The following STXBP6 variants were observed in gnomAD, a reference collection of about 807,000 sequenced individuals.
STXBP6 encodes the protein syntaxin-binding protein 6.
In STXBP6, 21 loss-of-function variants were observed where a neutral mutation model predicts 26.9. The ratio of observed to expected loss-of-function variants is 0.78; its 90% confidence interval spans 0.55 to 1.12. The LOEUF is 1.12. STXBP6 is among the 50% of genes most tolerant of loss of function. The pLI is 0.00. For missense variants in STXBP6, 232 were observed against 257.9 expected (o/e 0.90, Z 0.69); for synonymous variants, 97 against 92.6 (o/e 1.05, Z -0.27).
chr14:24,974,607 A>G (rs1412096657), intron 2 of STXBP6, 58 bp downstream of exon 2: 2 of 1,453,200 alleles, frequency 1.4e-6, no homozygotes, highest in African/African-American at 1.4e-5. Flanking sequence ...GATACCTCAG[A>G]ATGAACTGTT....
At chr14:24,879,637 T>C (rs993392467) in intron 2 of STXBP6, among the ~76,000 whole-genome samples, 1 of 152,182 alleles carries the variant, frequency 6.6e-6, no homozygotes, top group Non-Finnish European at 1.5e-5. Context: ...TAAGAAGAGA[T>C]GAGGAAAAAA....
intron 2 of STXBP6, among the ~76,000 whole-genome samples, chr14:24,892,917 A>G (rs959398781): frequency 1.3e-5 from 2 of 152,204 alleles, no homozygotes; most frequent in Admixed American, 6.5e-5. Context: ...ACAGCCCTGA[A>G]GAGGGAGCAG....
At chr14:25,027,159 T>C (rs890235143) in intron 1 of STXBP6, among the ~76,000 whole-genome samples, 3 of 152,194 alleles carry the variant, frequency 2.0e-5, no homozygotes, top group Non-Finnish European at 4.4e-5. Context: ...GATACAAGCA[T>C]AGTTTGTTTA....
chr14:24,816,093 A>G (rs148613692), intron 5 of STXBP6: 55 of 152,344 alleles, frequency 3.6e-4, no homozygotes, highest in African/African-American at 1.3e-3. Context: ...AAGGTGTGCC[A>G]AACTCTCCAG....
chr14:24,943,951 G>T (rs1410578864), intron 2 of STXBP6, among the ~76,000 whole-genome samples: 1 of 150,984 alleles, frequency 6.6e-6, no homozygotes, highest in African/African-American at 2.4e-5. Context: ...TTTGTATTAA[G>T]CAACATGATT....
intron 2 of STXBP6, among the ~76,000 whole-genome samples, chr14:24,861,791 G>A (rs962721704): frequency 3.9e-5 from 6 of 152,216 alleles, no homozygotes; most frequent in African/African-American, 1.4e-4. Context: ...TTATAATTTG[G>A]GGACATAGTA....
intron 2 of STXBP6, among the ~76,000 whole-genome samples, chr14:24,910,795 G>A (rs2071543542): frequency 1.3e-5 from 2 of 152,148 alleles, no homozygotes; most frequent in South Asian, 4.1e-4. Context: ...GAATTGCTAT[G>A]GCTGTGAAAA....
chr14:24,875,781 G>A (rs2070119256), intron 2 of STXBP6, among the ~76,000 whole-genome samples: 1 of 152,138 alleles, frequency 6.6e-6, no homozygotes, highest in Non-Finnish European at 1.5e-5. Flanking sequence ...TATTTACTGT[G>A]TGCATACTGA....
intron 1 of STXBP6, among the ~76,000 whole-genome samples, chr14:24,975,882 G>T (rs1272273850): frequency 6.6e-6 from 1 of 152,158 alleles, no homozygotes; most frequent in Admixed American, 6.5e-5. Flanking sequence ...GTCATAAATA[G>T]TCTGTGCCCT....
intron 2 of STXBP6, among the ~76,000 whole-genome samples, chr14:24,885,007 T>C (rs758549820): frequency 2.2e-4 from 33 of 152,318 alleles, no homozygotes; most frequent in Admixed American, 3.9e-4. Flanking sequence ...CGAGACTTCA[T>C]TGCTTCCCCA....
chr14:24,940,795 C>T (rs1375917862), intron 2 of STXBP6, among the ~76,000 whole-genome samples: 3 of 152,166 alleles, frequency 2.0e-5, no homozygotes, highest in African/African-American at 7.2e-5. Flanking sequence ...GCAGGTGGAT[C>T]ACAAGGTCAG....
At position 24,856,066 on chromosome 14, in the gene STXBP6, A is replaced by C. The variant is rs2069321904; in HGVS notation, c.321T>G (p.Ala107=). ...SAEFDLLFEN[A]FDQWVASTAS... ...CTGTGCTGGCTACCCACTGGTCAAA[A>C]GCATTTTCAAACAACAAATCAAACT... Residue 107 remains alanine (A), a synonymous_variant, in exon 4 of 6, where the codon GCT becomes GCG. Coordinates refer to ENST00000323944, the MANE Select transcript of STXBP6 (RefSeq NM_001394410.1). The C allele has an allele frequency of 2.5e-6, 4 of 1,606,168 alleles. No individual in the cohort carries two copies. The highest frequency in any genetic ancestry group is 3.4e-6 in the Non-Finnish European group (4 of 1,177,020).
At chr14:24,917,560 A>G (rs2071812463) in intron 2 of STXBP6, among the ~76,000 whole-genome samples, 1 of 152,128 alleles carries the variant, frequency 6.6e-6, no homozygotes. Context: ...ATATGCAAAA[A>G]GAAAGAAGCT....
chr14:24,871,226 T>C (rs1320684035), intron 2 of STXBP6, among the ~76,000 whole-genome samples: 1 of 152,190 alleles, frequency 6.6e-6, no homozygotes, highest in Admixed American at 6.5e-5. Flanking sequence ...TGGCTTCTAC[T>C]TCTATCCCTT....
intron 1 of STXBP6, among the ~76,000 whole-genome samples, chr14:24,995,268 C>T (rs1223952688): frequency 1.3e-5 from 2 of 152,100 alleles, no homozygotes; most frequent in African/African-American, 4.8e-5. Flanking sequence ...AAGAAATCTG[C>T]CCTCGTGACC....
chr14:25,032,610 C>T (rs779354993), intron 1 of STXBP6, among the ~76,000 whole-genome samples: 3 of 152,226 alleles, frequency 2.0e-5, no homozygotes, highest in Non-Finnish European at 2.9e-5. Flanking sequence ...ACCACAGGGC[C>T]TATGCCCTCT....
intron 2 of STXBP6, among the ~76,000 whole-genome samples, chr14:24,941,820 C>T (rs1320341085): frequency 6.6e-6 from 1 of 152,188 alleles, no homozygotes; most frequent in Non-Finnish European, 1.5e-5. Context: ...ACTCAGGGAC[C>T]ACCTGTGTGA....
At position 24,811,663 on chromosome 14, in the gene STXBP6, AT is replaced by A. The variant is rs1315122064; in HGVS notation, c.*1045del. ...ATTTGTCAAGAAACTCACATATTAAATTACATTAAATAAATAGATAGCAAAA... is the reference window on the plus strand; with the variant it reads ...ATTTGTCAAGAAACTCACATATTAAATACATTAAATAAATAGATAGCAAAA... On this transcript the variant is annotated 3_prime_UTR_variant, in exon 6 of 6. Coordinates refer to ENST00000323944, the MANE Select transcript of STXBP6 (RefSeq NM_001394410.1). 1 of 152,204 alleles carries A rather than the reference AT, an allele frequency of 6.6e-6. No individual in the cohort carries two copies. Among genetic ancestry groups the A allele is most frequent in the East Asian group, 1.9e-4 (1 of 5,200 alleles). 9.4% of individuals were successfully genotyped at this position (152,204 alleles called of 1,614,324 possible).
chr14:24,986,842 T>G (rs935161130), intron 1 of STXBP6, among the ~76,000 whole-genome samples: 2 of 152,146 alleles, frequency 1.3e-5, no homozygotes, highest in Non-Finnish European at 2.9e-5. Flanking sequence ...AATGGTGAAA[T>G]CTCCATGTGA....
Sources: gnomAD v4.1 joint callset for allele counts (sites outside exome capture counted in the v4.1 genomes callset) on GRCh38, gnomAD v4.1.1 for gene constraint, MANE v1.5 for transcripts, NCBI Gene and HGNC (gene_info 2026-07-23, HGNC 2026-07-21) for gene names.